ITPR2: variants seen among roughly 807,000 people sequenced by gnomAD.
ITPR2 encodes the protein inositol 1,4,5-trisphosphate receptor type 2.
A neutral mutation model predicts 317.1 loss-of-function variants in ITPR2; 207 were observed. The ratio of observed to expected loss-of-function variants is 0.65; its 90% confidence interval spans 0.58 to 0.73. The LOEUF is 0.73. Ranked by LOEUF, ITPR2 falls within the 30% of genes least tolerant of loss-of-function variation. ITPR2 has a pLI of 0.00. For missense variants in ITPR2, 2,613 were observed against 3,284.0 expected, an observed-to-expected ratio of 0.80 and a Z score of 4.99; for synonymous variants, 1,156 against 1,149.1, an observed-to-expected ratio of 1.01 and a Z score of -0.12.
At chr12:26,770,148 T>C (rs962714999) in intron 2 of ITPR2, among the ~76,000 whole-genome samples, 1 of 152,258 alleles carries the variant, frequency 6.6e-6, no homozygotes, top group African/African-American at 2.4e-5. Flanking sequence ...ATCATATAAA[T>C]ATCTGAAGAC....
chr12:26,667,637 C>G (rs555888757), intron 13 of ITPR2, among the ~76,000 whole-genome samples: 32 of 152,168 alleles, frequency 2.1e-4, no homozygotes, highest in South Asian at 6.2e-4. Context: ...AAATTTGGAG[C>G]GGAGGTTACT....
intron 26 of ITPR2, among the ~76,000 whole-genome samples, chr12:26,605,097 A>AT: frequency 9.8e-6 from 1 of 102,390 alleles, no homozygotes; most frequent in Admixed American, 1.1e-4. Flanking sequence ...CAAAAAAAAA[A>AT]AAAATAAAAA....
intron 1 of ITPR2, among the ~76,000 whole-genome samples, chr12:26,814,716 C>T (rs1162586344): frequency 2.6e-5 from 4 of 152,100 alleles, no homozygotes; most frequent in Non-Finnish European, 5.9e-5. Context: ...TTTGTATACA[C>T]GTATATACTA....
At chr12:26,402,399 A>C (rs1048188267) in intron 52 of ITPR2, among the ~76,000 whole-genome samples, 1 of 152,172 alleles carries the variant, frequency 6.6e-6, no homozygotes, top group African/African-American at 2.4e-5. Context: ...GGTGTTTGTT[A>C]AAGGCTTAGT....
chr12:26,655,880 A>G (rs775844249), intron 19 of ITPR2, 28 bp from the exon 20 acceptor site: 1 of 1,583,454 alleles, frequency 6.3e-7, no homozygotes, highest in Non-Finnish European at 8.6e-7. Flanking sequence ...AGATAACGCA[A>G]GTTAAACTGA....
intron 37 of ITPR2, among the ~76,000 whole-genome samples, chr12:26,545,493 A>G (rs1944374695): frequency 1.3e-5 from 2 of 152,180 alleles, no homozygotes; most frequent in Admixed American, 1.3e-4. Context: ...CAGAAAAGGC[A>G]AGGAAATGAA....
At chr12:26,763,665 T>C (rs1565745396) in intron 2 of ITPR2, among the ~76,000 whole-genome samples, 7 of 152,136 alleles carry the variant, frequency 4.6e-5, no homozygotes. Context: ...CCCACTTCCA[T>C]TGTTTCCTTC....
chr12:26,832,972 G>A lies in ITPR2; in HGVS notation c.-191C>T, dbSNP rs944603453. The A allele has an allele frequency of 5.8e-5, 31 of 537,834 alleles. No individual in the cohort carries two copies. The highest frequency in any genetic ancestry group is 4.3e-4 in the African/African-American group (21 of 48,964). 33.3% of individuals were successfully genotyped at this position (537,834 alleles called of 1,614,324 possible). On this transcript the variant is annotated 5_prime_UTR_variant, in exon 1 of 57. Transcript: ENST00000381340. Reference sequence around the variant, plus strand: ...GCGTGCGCGCCGGGGAAGCCAGACCGGGGCCAAGCCGCAGCTGCGGACACC... The same window carrying A: ...GCGTGCGCGCCGGGGAAGCCAGACCAGGGCCAAGCCGCAGCTGCGGACACC...
At position 26,659,202 on chromosome 12, in the gene ITPR2, C is replaced by T. The variant is rs771034666; in HGVS notation, c.1797G>A (p.Leu599=). The T allele has an allele frequency of 3.7e-6, 6 of 1,613,174 alleles. No individual in the cohort carries two copies. Among genetic ancestry groups the T allele is most frequent in the Non-Finnish European group, 5.1e-6 (6 of 1,179,304 alleles). The change falls in exon 16 of 57, where the codon TTG becomes TTA. Residue 599 remains leucine (L), a synonymous_variant. Transcript: ENST00000381340. ...ILAEDTITAL[L]HNNRKLLEKH... ...TCTCTAGTAGTTTTCTGTTGTTGTG[C>T]AACAAAGCTGTGATAGTATCTTCTG...
chr12:26,745,406 C>T (rs1225059884), intron 2 of ITPR2, among the ~76,000 whole-genome samples: 1 of 152,202 alleles, frequency 6.6e-6, no homozygotes, highest in Non-Finnish European at 1.5e-5. Flanking sequence ...TTATTTGAGG[C>T]ATAAGTTCTG....
chr12:26,823,426 G>A (rs1221910218), intron 1 of ITPR2, among the ~76,000 whole-genome samples: 1 of 152,022 alleles, frequency 6.6e-6, no homozygotes, highest in African/African-American at 2.4e-5. Flanking sequence ...CTACAAATTC[G>A]CAAAGGAAGA....
intron 9 of ITPR2, among the ~76,000 whole-genome samples, chr12:26,707,994 A>G (rs1948585894): frequency 6.6e-6 from 1 of 152,228 alleles, no homozygotes; most frequent in African/African-American, 2.4e-5. Flanking sequence ...AATATATAAA[A>G]AAATGCTTAA....
At chr12:26,712,851 T>C (rs540791989) in intron 8 of ITPR2, among the ~76,000 whole-genome samples, 195 of 152,234 alleles carry the variant, frequency 1.3e-3, no homozygotes, top group Non-Finnish European at 2.1e-3. Context: ...TTTGGAGGGA[T>C]GCTATTGGCA....
intron 21 of ITPR2, among the ~76,000 whole-genome samples, chr12:26,638,849 G>C (rs924762332): frequency 6.6e-6 from 1 of 152,120 alleles, no homozygotes; most frequent in Non-Finnish European, 1.5e-5. Context: ...AAATATAAAA[G>C]GTGCTACATG....
intron 45 of ITPR2, among the ~76,000 whole-genome samples, chr12:26,456,324 A>T (rs1029060239): frequency 9.9e-5 from 15 of 152,246 alleles, no homozygotes; most frequent in African/African-American, 3.6e-4. Flanking sequence ...GCATGCTTAA[A>T]GACACTCCTA....
chr12:26,671,365 A>G (rs1443522331), intron 13 of ITPR2, among the ~76,000 whole-genome samples: 1 of 152,252 alleles, frequency 6.6e-6, no homozygotes, highest in African/African-American at 2.4e-5. Context: ...CAGAAACTCT[A>G]CAAGCCAGAA....
intron 2 of ITPR2, among the ~76,000 whole-genome samples, chr12:26,778,589 T>C (rs1950021172): frequency 6.6e-6 from 1 of 152,230 alleles, no homozygotes; most frequent in Admixed American, 6.5e-5. Flanking sequence ...GCCAGCAATA[T>C]ACCTTCACTG....
At chr12:26,352,581 G>T (rs546310819) in intron 55 of ITPR2, among the ~76,000 whole-genome samples, 5 of 152,200 alleles carry the variant, frequency 3.3e-5, no homozygotes, top group African/African-American at 1.2e-4. Context: ...CAGAAGGGGT[G>T]GCAAGAGTGG....
At chr12:26,564,914 T>A (rs1485309512) in intron 34 of ITPR2, among the ~76,000 whole-genome samples, 2 of 152,050 alleles carry the variant, frequency 1.3e-5, no homozygotes, top group Non-Finnish European at 2.9e-5. Flanking sequence ...AATATACAAA[T>A]GTCAATAGTA....
Sources: gnomAD v4.1 joint callset for allele counts (sites outside exome capture counted in the v4.1 genomes callset) on GRCh38, gnomAD v4.1.1 for gene constraint, MANE v1.5 for transcripts, NCBI Gene and HGNC (gene_info 2026-07-23, HGNC 2026-07-21) for gene names.